The following TENM3 variants were observed in gnomAD, a reference collection of about 807,000 sequenced individuals.
TENM3 encodes teneurin transmembrane protein 3.
TENM3 carries 63 observed loss-of-function variants against 255.1 expected under a neutral mutation model. The ratio of observed to expected loss-of-function variants is 0.25; its 90% CI spans 0.20 to 0.30. The LOEUF is 0.30. Among genes scored for constraint, TENM3 ranks in the 10% least tolerant of loss-of-function variants. The pLI, the probability that TENM3 is intolerant of heterozygous loss-of-function variation, is 1.00. For missense variants in TENM3, 2,929 were observed against 3,461.1 expected (o/e 0.85, Z 3.86); for synonymous variants, 1,306 against 1,322.3 (o/e 0.99, Z 0.27).
intron 3 of TENM3, among the ~76,000 whole-genome samples, chr4:182,472,604 A>G (rs762443799): frequency 9.2e-5 from 14 of 152,246 alleles, no homozygotes; most frequent in South Asian, 8.3e-4. Flanking sequence ...GATGAACTCA[A>G]TACCCTCCTA....
chr4:182,005,939 A>C, the TENM3 span, among the ~76,000 whole-genome samples: 8 of 152,134 alleles, frequency 5.3e-5, no homozygotes, highest in Admixed American at 5.2e-4. Flanking sequence ...GACTTTGCTG[A>C]AGTTGCTTAT....
the TENM3 span, among the ~76,000 whole-genome samples, chr4:181,902,473 G>A: frequency 2.8e-4 from 42 of 152,260 alleles, no homozygotes; most frequent in African/African-American, 5.8e-4. Flanking sequence ...ACATGCACGC[G>A]TATGTTTATT....
chr4:181,878,697 T>C, the TENM3 span, among the ~76,000 whole-genome samples: 25,595 of 151,990 alleles, frequency 0.17, 2,728 homozygotes, highest in East Asian at 0.56. Context: ...TCCTTCCGTC[T>C]GTCTATATAC....
At chr4:181,757,435 G>T in the TENM3 span, among the ~76,000 whole-genome samples, 1 of 152,296 alleles carries the variant, frequency 6.6e-6, no homozygotes, top group East Asian at 1.9e-4. Context: ...AAAAGGGAAG[G>T]TGTAATTCAA....
rs1315666341 is a variant in TENM3 at position 182,517,304 on chromosome 4, G to A, written c.512-83620G>A. On this transcript the variant is annotated intron_variant, in intron 3 of 27. Transcript: ENST00000511685. The stretch of plus-strand genomic sequence containing the variant: ...ATTGTTGTCTCAGAGCTTCACGGTA[G>A]CACTAGAATTCAGCAGGCTCTTCGG... Among the ~76,000 whole-genome samples the A allele has an allele frequency of 2.6e-5, 4 of 151,760 alleles. No individual in the cohort carries two copies. The East Asian group carries it at 7.7e-4, about 29-fold the overall frequency.
At chr4:182,298,392 T>G (rs1761632978) in intron 1 of TENM3, among the ~76,000 whole-genome samples, 1 of 152,216 alleles carries the variant, frequency 6.6e-6, no homozygotes, top group African/African-American at 2.4e-5. Flanking sequence ...GAGTAGATTC[T>G]CTTCTCAAAT....
At chr4:181,669,032 A>G in the TENM3 span, among the ~76,000 whole-genome samples, 2 of 152,160 alleles carry the variant, frequency 1.3e-5, no homozygotes, top group Non-Finnish European at 2.9e-5. Flanking sequence ...ACCTCCAATC[A>G]TAGGTCATTA....
the TENM3 span, among the ~76,000 whole-genome samples, chr4:181,922,412 G>T: frequency 1.9e-4 from 29 of 152,214 alleles, no homozygotes; most frequent in Admixed American, 3.3e-4. Context: ...CAATTTCAGA[G>T]CCTGTTATTG....
At chr4:182,337,378 G>A (rs1044035123) in intron 2 of TENM3, among the ~76,000 whole-genome samples, 1 of 152,028 alleles carries the variant, frequency 6.6e-6, no homozygotes, top group Non-Finnish European at 1.5e-5. Context: ...TTTAAAATGG[G>A]CAAAAAACTT....
chr4:182,204,936 A>G (rs890470155), intron 1 of TENM3, among the ~76,000 whole-genome samples: 1 of 152,226 alleles, frequency 6.6e-6, no homozygotes, highest in Non-Finnish European at 1.5e-5. Context: ...CTGAGTCTGC[A>G]TTGTTCTCCA....
At chr4:181,701,930 T>C in the TENM3 span, among the ~76,000 whole-genome samples, 5 of 152,188 alleles carry the variant, frequency 3.3e-5, no homozygotes, top group African/African-American at 4.8e-5. Flanking sequence ...TGATGGCTTG[T>C]GGTTCTCCTA....
chr4:182,417,620 T>A (rs879494588), intron 3 of TENM3, among the ~76,000 whole-genome samples: 26 of 152,074 alleles, frequency 1.7e-4, no homozygotes. Context: ...CGGCTAAAAG[T>A]CACTTTGAGG....
At chr4:182,054,452 G>T in the TENM3 span, among the ~76,000 whole-genome samples, 1 of 152,110 alleles carries the variant, frequency 6.6e-6, no homozygotes, top group African/African-American at 2.4e-5. Context: ...TGTTAGGGGA[G>T]AAATTAATAG....
At chr4:181,673,053 T>G in the TENM3 span, among the ~76,000 whole-genome samples, 1 of 152,208 alleles carries the variant, frequency 6.6e-6, no homozygotes, top group Non-Finnish European at 1.5e-5. Context: ...CAAAATAACC[T>G]AAAAGTAAAA....
At chr4:181,684,260 C>A in the TENM3 span, among the ~76,000 whole-genome samples, 1 of 152,082 alleles carries the variant, frequency 6.6e-6, no homozygotes, top group South Asian at 2.1e-4. Context: ...AGGCCGAAAG[C>A]CCTAATTTTT....
At chr4:182,695,219 C>T (rs895025963) in intron 12 of TENM3, among the ~76,000 whole-genome samples, 6 of 152,132 alleles carry the variant, frequency 3.9e-5, no homozygotes, top group East Asian at 1.9e-4. Context: ...GGCAACCTTG[C>T]GCCAAACTAC....
the TENM3 span, among the ~76,000 whole-genome samples, chr4:181,463,331 C>T: frequency 5.3e-5 from 8 of 152,146 alleles, no homozygotes; most frequent in Non-Finnish European, 1.0e-4. Context: ...GTCATGTGTC[C>T]TATTTTATCT....
the TENM3 span, among the ~76,000 whole-genome samples, chr4:181,629,063 T>G: frequency 2.6e-5 from 4 of 152,194 alleles, no homozygotes; most frequent in Non-Finnish European, 5.9e-5. Flanking sequence ...CCCTTGTAAG[T>G]TGGATTCCTG....
the TENM3 span, among the ~76,000 whole-genome samples, chr4:181,454,408 A>T: frequency 6.6e-6 from 1 of 152,138 alleles, no homozygotes; most frequent in East Asian, 1.9e-4. Context: ...AGCCATCGTA[A>T]TATCATAGTG....
Sources: allele counts gnomAD v4.1 joint callset (sites outside exome capture counted in the v4.1 genomes callset), GRCh38; gene constraint gnomAD v4.1.1; transcripts MANE v1.5; gene names NCBI Gene and HGNC (gene_info 2026-07-23, HGNC 2026-07-21).